Variants in MS4A7 observed in about 807,000 individuals in gnomAD.
MS4A7 encodes membrane spanning 4-domains A7.
Under a neutral mutation model 23.5 loss-of-function variants are expected in MS4A7, and 21 were observed. That is an observed-to-expected ratio of 0.89 (90% confidence interval 0.63 to 1.29). The LOEUF (loss-of-function observed/expected upper bound fraction) is 1.29, where lower values mean the gene tolerates loss of function less well. Ranked by LOEUF, MS4A7 falls within the 50% of genes most tolerant of loss-of-function variation. The pLI is 0.00. For missense variants in MS4A7, 263 were observed against 274.2 expected (o/e 0.96, Z 0.29); for synonymous variants, 111 against 107.4 (o/e 1.03, Z -0.21).
In MS4A7 at chr11:60,394,851, T is replaced by A. The variant is rs1214967311; in HGVS notation, c.*990T>A. 6.2e-6 allele frequency: 3 copies of A among 487,580 alleles called. No homozygotes were observed. Among genetic ancestry groups the A allele is most frequent in the African/African-American group, 5.9e-5 (3 of 50,964 alleles). 30.2% of individuals were successfully genotyped at this position (487,580 alleles called of 1,614,324 possible). On this transcript the variant is annotated 3_prime_UTR_variant, in exon 7 of 7. Transcript: ENST00000300184. ...AAATAAAAATAGACTATATATAGTC[T>A]TTGAATTCATTTATTTTAAATAAAT... is the stretch of plus-strand genomic sequence containing the variant.
At chr11:60,378,846 C>T (rs946846079) in intron 1 of MS4A7, among the ~76,000 whole-genome samples, 182 bp downstream of exon 1, 2 of 152,172 alleles carry the variant, frequency 1.3e-5, no homozygotes, top group South Asian at 2.1e-4. Context: ...TTGGGTAAAA[C>T]CATTCTTAGG....
chr11:60,389,749 C>A (rs1460968197), intron 5 of MS4A7, 153 bp downstream of exon 5: 2 of 675,644 alleles, frequency 3.0e-6, no homozygotes, highest in Middle Eastern at 2.4e-4. Context: ...AGAGGCCTGT[C>A]TGCTGACTGC....
intron 4 of MS4A7, among the ~76,000 whole-genome samples, chr11:60,388,844 TATTG>T (rs1424336512): frequency 6.6e-5 from 10 of 152,220 alleles, no homozygotes; most frequent in African/African-American, 1.7e-4. Context: ...ATTGAACAAA[TATTG>T]ATTGTCAATT....
At chr11:60,386,684 AC>A (rs763454079) in intron 3 of MS4A7, 32 bp from the exon 4 acceptor site, 1 of 1,578,758 alleles carries the variant, frequency 6.3e-7, no homozygotes. Flanking sequence ...CCACAAGACA[AC>A]TGAACTGATC....
intron 1 of MS4A7, 103 bp from the exon 2 acceptor site, chr11:60,383,026 A>G: frequency 7.8e-7 from 1 of 1,283,592 alleles, no homozygotes; most frequent in Non-Finnish European, 1.1e-6. Flanking sequence ...GCCTTGGAAT[A>G]ATGGCAAATA....
chr11:60,385,362 G>T, intron 3 of MS4A7, 140 bp downstream of exon 3: 1 of 874,404 alleles, frequency 1.1e-6, no homozygotes, highest in Non-Finnish European at 1.8e-6. Flanking sequence ...ATTGCCCCAC[G>T]TCACATTTCC....
chr11:60,395,329 A>T lies in MS4A7; in HGVS notation c.*1468A>T, dbSNP rs2085604059. 6.0e-6 allele frequency: 1 copy of T among 165,906 alleles called. No individual in the cohort carries two copies. The highest frequency in any genetic ancestry group is 1.3e-5 in the Non-Finnish European group (1 of 77,320). 10.3% of individuals were successfully genotyped at this position (165,906 alleles called of 1,614,324 possible). On this transcript the variant is annotated 3_prime_UTR_variant, in exon 7 of 7. Coordinates refer to ENST00000300184, the MANE Select transcript of MS4A7 (RefSeq NM_021201.5). The stretch of plus-strand genomic sequence containing the variant: ...GTTTCCTAAATAAATGAGGAGTAGC[A>T]TAGTTTAAAATATATATATCTTATA...
At chr11:60,383,434 G>C in intron 2 of MS4A7, 146 bp downstream of exon 2, 1 of 862,222 alleles carries the variant, frequency 1.2e-6, no homozygotes, top group Non-Finnish European at 1.7e-6. Flanking sequence ...AGCTTTAAGG[G>C]AAGACTCTTA....
rs1001111852 is a variant in MS4A7 at position 60,392,736 on chromosome 11, G to A, written c.598G>A (p.Ala200Thr). Residue 200 changes from alanine to threonine, a missense_variant, in exon 6 of 7, where the codon GCA becomes ACA. By Grantham distance (58) the Ala-to-Thr change is moderately conservative (BLOSUM62 0). Transcript: ENST00000300184. Reference sequence around the variant, plus strand: ...CACTGTGCTGGAGCTCTTATTAGCTGCATACAGTTCTGTCTTTTGGTGGAA... The same window carrying A: ...CACTGTGCTGGAGCTCTTATTAGCTACATACAGTTCTGTCTTTTGGTGGAA... ...IFTVLELLLA[A>T]YSSVFWWKQL... is the part of the protein sequence containing the mutation. 11 of 1,613,864 alleles carry A rather than the reference G, an allele frequency of 6.8e-6. No individual in the cohort carries two copies. The highest frequency in any genetic ancestry group is 7.6e-6 in the Non-Finnish European group (9 of 1,179,964).
intron 1 of MS4A7, among the ~76,000 whole-genome samples, chr11:60,379,888 T>G (rs1359124314): frequency 6.6e-6 from 1 of 152,208 alleles, no homozygotes; most frequent in Non-Finnish European, 1.5e-5. Flanking sequence ...CACACCATTG[T>G]GCAACCATCA....
intron 2 of MS4A7, among the ~76,000 whole-genome samples, chr11:60,384,559 T>A (rs907829220): frequency 2.0e-5 from 3 of 152,252 alleles, no homozygotes; most frequent in Non-Finnish European, 4.4e-5. Context: ...CATCTTTCAA[T>A]TGCACATGCA....
intron 4 of MS4A7, among the ~76,000 whole-genome samples, chr11:60,387,393 A>G (rs925234952): frequency 2.6e-5 from 4 of 152,196 alleles, no homozygotes; most frequent in African/African-American, 9.6e-5. Flanking sequence ...ATATATTTTC[A>G]AAGTTCTACT....
In MS4A7 at chr11:60,383,187, C is replaced by T. The variant is rs745428684; in HGVS notation, c.46C>T (p.Pro16Ser). Reference protein sequence around the residue: ...QTMGVSHSFTPKGITIPQREK... With the variant: ...QTMGVSHSFTSKGITIPQREK... Reference sequence around the variant, plus strand: ...CATGGGGGTTTCTCACAGCTTTACACCAAAGGGCATCACTATCCCTCAAAG... The same window carrying T: ...CATGGGGGTTTCTCACAGCTTTACATCAAAGGGCATCACTATCCCTCAAAG... The change falls in exon 2 of 7, where the codon CCA (proline) becomes TCA (serine). Residue 16 changes from proline to serine, a missense_variant. Physicochemically the swap from Pro to Ser is moderately conservative, Grantham distance 74. Transcript: ENST00000300184. 1.9e-6 allele frequency: 3 copies of T among 1,614,012 alleles called. No homozygotes were observed. In the East Asian group the frequency reaches 6.7e-5, roughly 36 times the overall value.
chr11:60,384,974 T>C, intron 2 of MS4A7, 114 bp from the exon 3 acceptor site: 1 of 999,598 alleles, frequency 1.0e-6, no homozygotes. Flanking sequence ...TTTTCCTCTT[T>C]AATATAACAA....
Position 60,393,912 on chromosome 11 carries a change from G to A in MS4A7, c.*51G>A, listed in dbSNP as rs1345329667. 2.5e-5 allele frequency: 31 copies of A among 1,222,574 alleles called. 1 individual carries two copies. The East Asian group carries it at 7.5e-4, about 30-fold the overall frequency. The allele number at this position is 1,222,574 out of a possible 1,614,324, so 75.7% of individuals were successfully genotyped here. ...AAAGCAACTCAACACTCATGGTCAA[G>A]TGTGATTAGACTTTCCTGAAATCTC... is the stretch of plus-strand genomic sequence containing the variant. On this transcript the variant is annotated 3_prime_UTR_variant, in exon 7 of 7. Transcript: ENST00000300184.
At chr11:60,383,429 T>G in intron 2 of MS4A7, 141 bp downstream of exon 2, 3 of 914,804 alleles carry the variant, frequency 3.3e-6, no homozygotes, top group Non-Finnish European at 4.7e-6. Flanking sequence ...AATGGAGCTT[T>G]AAGGGAAGAC....
rs1251365568 is a variant in MS4A7, at chr11:60,395,213, T to C, written c.*1352T>C. The C allele has an allele frequency of 6.3e-6, 2 of 315,516 alleles. No individual in the cohort carries two copies. The highest frequency in any genetic ancestry group is 4.3e-5 in the African/African-American group (2 of 46,766). 19.5% of individuals were successfully genotyped at this position (315,516 alleles called of 1,614,324 possible). A position where few individuals can be genotyped will look rare whatever the true frequency, so the allele number is the denominator to read the frequency against. On this transcript the variant is annotated 3_prime_UTR_variant, in exon 7 of 7. Coordinates refer to ENST00000300184, the MANE Select transcript of MS4A7 (RefSeq NM_021201.5). ...TCTGTTCTTTGTGTAATATGTTCTG[T>C]GTGAGCCTCTGCATTAAACTCGATT...
chr11:60,387,660 A>G (rs1206629247), intron 4 of MS4A7, among the ~76,000 whole-genome samples: 2 of 152,188 alleles, frequency 1.3e-5, no homozygotes, highest in Admixed American at 1.3e-4. Flanking sequence ...CTCAAAGACA[A>G]TACCACTCAT....
intron 1 of MS4A7, among the ~76,000 whole-genome samples, chr11:60,379,781 C>T (rs1439063063): frequency 2.0e-5 from 3 of 152,040 alleles, no homozygotes; most frequent in Admixed American, 1.3e-4. Flanking sequence ...GTGATCTGCC[C>T]GCCTCGGCCT....
Sources: allele counts gnomAD v4.1 joint callset (sites outside exome capture counted in the v4.1 genomes callset), GRCh38; gene constraint gnomAD v4.1.1; transcripts MANE v1.5; gene names NCBI Gene and HGNC (gene_info 2026-07-23, HGNC 2026-07-21).